The following NOS1 variants were observed in gnomAD, a reference collection of about 807,000 sequenced individuals.
NOS1 encodes the protein NOS type I.
In NOS1, 51 loss-of-function variants were observed where a neutral mutation model predicts 164.5. That is an observed-to-expected ratio of 0.31 (90% CI 0.25 to 0.39). The LOEUF is 0.39. Ranked by LOEUF, NOS1 falls within the 10% of genes least tolerant of loss-of-function variation. NOS1 has a pLI of 1.00. For synonymous variants in NOS1, 719 were observed against 745.8 expected (o/e 0.96, Z 0.59); for missense variants, 1,362 against 1,885.6 (o/e 0.72, Z 5.14).
At chr12:117,336,330 T>C (rs988157045) in intron 1 of NOS1, among the ~76,000 whole-genome samples, 70 of 152,270 alleles carry the variant, frequency 4.6e-4, no homozygotes, top group African/African-American at 1.7e-3. Flanking sequence ...CAAGCCTATC[T>C]AGTCTAGCTT....
At chr12:117,280,093 A>C (rs910374345) in intron 8 of NOS1, among the ~76,000 whole-genome samples, 6 of 152,194 alleles carry the variant, frequency 3.9e-5, no homozygotes, top group African/African-American at 1.4e-4. Flanking sequence ...TGGTCCGTAT[A>C]AGCTACCATA....
intron 21 of NOS1, among the ~76,000 whole-genome samples, chr12:117,233,034 C>CTTTTTTT (rs34474757): frequency 3.1e-4 from 27 of 88,366 alleles, no homozygotes; most frequent in Non-Finnish European, 3.8e-4. Context: ...TGCCTCACTA[C>CTTTTTTT]TTTTTTTTTT....
At chr12:117,291,343 C>T (rs1873041159) in intron 3 of NOS1, among the ~76,000 whole-genome samples, 1 of 152,102 alleles carries the variant, frequency 6.6e-6, no homozygotes, top group Admixed American at 6.5e-5. Context: ...TTTGCACTTA[C>T]CGTCCCCTCT....
At chr12:117,353,005 CATCT>C (rs1304180148) in intron 1 of NOS1, among the ~76,000 whole-genome samples, 6 of 152,076 alleles carry the variant, frequency 3.9e-5, no homozygotes, top group African/African-American at 7.2e-5. Flanking sequence ...CTCTATCAGT[CATCT>C]ATCTATCCAT....
chr12:117,351,312 T>C (rs1433757157), intron 1 of NOS1, among the ~76,000 whole-genome samples: 1 of 152,132 alleles, frequency 6.6e-6, no homozygotes, highest in Non-Finnish European at 1.5e-5. Flanking sequence ...GACCCTTCCC[T>C]TCGCCAGCAC....
chr12:117,236,766 C>T (rs375295970), intron 20 of NOS1, among the ~76,000 whole-genome samples: 14 of 152,214 alleles, frequency 9.2e-5, no homozygotes, highest in African/African-American at 3.1e-4. Flanking sequence ...CAGATCATCA[C>T]GATTTGTACA....
chr12:117,331,743 G>A (rs1339414685), intron 1 of NOS1, among the ~76,000 whole-genome samples: 1 of 152,166 alleles, frequency 6.6e-6, no homozygotes, highest in Admixed American at 6.5e-5. Flanking sequence ...GGTCTCCCTG[G>A]GCAAACATGG....
intron 4 of NOS1, 101 bp from the exon 5 acceptor site, chr12:117,288,320 G>A: frequency 1.8e-6 from 2 of 1,132,186 alleles, no homozygotes; most frequent in Non-Finnish European, 2.5e-6. Flanking sequence ...AGTTTATCTG[G>A]CCCTTAATTC....
intron 10 of NOS1, among the ~76,000 whole-genome samples, chr12:117,268,422 G>A (rs924949594): frequency 6.6e-6 from 1 of 151,728 alleles, no homozygotes; most frequent in African/African-American, 2.4e-5. Context: ...AGTAGAGACG[G>A]GGTTTCACCA....
At position 117,247,529 on chromosome 12, in the gene NOS1, A is replaced by G. The variant is rs755733655; in HGVS notation, c.2649-7T>C. On this transcript the variant is annotated splice_region_variant and splice_polypyrimidine_tract_variant and intron_variant, in intron 17 of 28. Coordinates refer to ENST00000317775, the MANE Select transcript of NOS1 (RefSeq NM_000620.5). The stretch of plus-strand genomic sequence containing the variant: ...GAGGCCAAAAACTGAGAACCTGTCA[A>G]GGAGATGACAGAATGTTCATGCTAA... 6.2e-7 allele frequency: 1 copy of G among 1,605,796 alleles called. No individual in the cohort carries two copies. The highest frequency in any genetic ancestry group is 1.1e-5 in the South Asian group (1 of 89,702).
chr12:117,269,499 A>C (rs1592971785), intron 10 of NOS1, among the ~76,000 whole-genome samples: 3 of 114,878 alleles, frequency 2.6e-5, no homozygotes, highest in South Asian at 2.8e-4. Context: ...ACAGAGTCTC[A>C]CTCTGTCGCC....
At chr12:117,338,865 C>T (rs1018138909) in intron 1 of NOS1, among the ~76,000 whole-genome samples, 4 of 152,136 alleles carry the variant, frequency 2.6e-5, no homozygotes, top group African/African-American at 9.7e-5. Context: ...AGTTTATACA[C>T]CCACAAAATA....
chr12:117,284,394 C>T (rs1566058304), intron 7 of NOS1, among the ~76,000 whole-genome samples: 1 of 152,198 alleles, frequency 6.6e-6, no homozygotes, highest in Admixed American at 6.5e-5. Context: ...TGGATGTCTG[C>T]CTGCCTCGGC....
At chr12:117,285,829 T>C (rs1874076778) in intron 6 of NOS1, among the ~76,000 whole-genome samples, 1 of 152,104 alleles carries the variant, frequency 6.6e-6, no homozygotes, top group African/African-American at 2.4e-5. Flanking sequence ...AAGGGAGTGG[T>C]GAGGTCTGCG....
chr12:117,212,794 T>G lies in NOS1; in HGVS notation c.*2515A>C. The G allele has an allele frequency of 1.0e-6, 1 of 985,438 alleles. No homozygotes were observed. The allele number at this position is 985,438 out of a possible 1,614,324, so 61.0% of individuals were successfully genotyped here. A position where few individuals can be genotyped will look rare whatever the true frequency, so the allele number is the denominator to read the frequency against. ...GAGGGCAGTATTTCCCCACCCTTGATCTGAGCCTAACAATCTGGACTCCAC... is the reference window on the plus strand; with the variant it reads ...GAGGGCAGTATTTCCCCACCCTTGAGCTGAGCCTAACAATCTGGACTCCAC... On this transcript the variant is annotated 3_prime_UTR_variant, in exon 29 of 29. Transcript: ENST00000317775.
Position 117,259,090 on chromosome 12 carries a change from T to G in NOS1, c.2408A>C (p.His803Pro). The part of the protein sequence containing the change: ...MEEYDIVHLE[H>P]ETLVLVVTST... ...GGTGACCACAAGGACCAGAGTTTCA[T>G]GTTCCAGGTGCACAATGTCATATTC... is the stretch of plus-strand genomic sequence containing the variant. The change falls in exon 15 of 29, where the codon CAT (histidine) becomes CCT (proline). Residue 803 changes from histidine (H) to proline (P), a missense_variant. By Grantham distance (77) the His-to-Pro change is moderately conservative (BLOSUM62 -2). Transcript: ENST00000317775. 1 of 1,614,172 alleles carries G rather than the reference T, an allele frequency of 6.2e-7. No individual in the cohort carries two copies. The highest frequency in any genetic ancestry group is 8.5e-7 in the Non-Finnish European group (1 of 1,180,028).
chr12:117,336,001 TG>T (rs1875801910), intron 1 of NOS1, among the ~76,000 whole-genome samples: 1 of 150,184 alleles, frequency 6.7e-6, no homozygotes, highest in African/African-American at 2.5e-5. Flanking sequence ...GCCTCCATGC[TG>T]GGCCTTGTAA....
intron 3 of NOS1, chr12:117,305,057 C>T (rs556284739): frequency 1.8e-5 from 18 of 985,342 alleles, no homozygotes; most frequent in Non-Finnish European, 2.2e-5. Flanking sequence ...CCTATCCCTT[C>T]CTGACTCAGG....
intron 13 of NOS1, among the ~76,000 whole-genome samples, chr12:117,262,104 C>T (rs1871952957): frequency 6.6e-6 from 1 of 152,090 alleles, no homozygotes; most frequent in Admixed American, 6.5e-5. Context: ...GGGAAACCGC[C>T]CACGATGCAG....
Sources: gnomAD v4.1 joint callset for allele counts (sites outside exome capture counted in the v4.1 genomes callset) on GRCh38, gnomAD v4.1.1 for gene constraint, MANE v1.5 for transcripts, NCBI Gene and HGNC (gene_info 2026-07-23, HGNC 2026-07-21) for gene names.